The following ASAP2 variants were observed in gnomAD, a reference collection of about 807,000 sequenced individuals.
ASAP2 encodes the protein arf-GAP with SH3 domain, ANK repeat and PH domain-containing protein 2.
Under a neutral mutation model 131.4 loss-of-function variants are expected in ASAP2, and 45 were observed. That is an observed-to-expected ratio of 0.34 (90% CI 0.27 to 0.44). The LOEUF is 0.44. Ranked by LOEUF, ASAP2 falls within the 20% of genes least tolerant of loss-of-function variation. ASAP2 has a pLI of 1.00. For missense variants in ASAP2, 1,011 were observed against 1,297.0 expected, an observed-to-expected ratio of 0.78 and a Z score of 3.39; for synonymous variants, 510 against 503.0, an observed-to-expected ratio of 1.01 and a Z score of -0.19.
chr2:9,360,615 A>G (rs188079488), intron 15 of ASAP2, among the ~76,000 whole-genome samples: 148 of 152,308 alleles, frequency 9.7e-4, no homozygotes, highest in African/African-American at 3.2e-3. Context: ...TACTCCCACA[A>G]TGGCCAATTT....
chr2:9,287,408 A>G (rs1667534637), intron 2 of ASAP2, among the ~76,000 whole-genome samples: 1 of 152,240 alleles, frequency 6.6e-6, no homozygotes, highest in African/African-American at 2.4e-5. Flanking sequence ...TAAGAGCAGC[A>G]TTTAAAGAAG....
intron 2 of ASAP2, among the ~76,000 whole-genome samples, chr2:9,286,411 A>C (rs537615203): frequency 6.8e-6 from 1 of 147,514 alleles, no homozygotes; most frequent in South Asian, 2.1e-4. Context: ...AACAGAAAAA[A>C]AGGAAAAGGA....
intron 3 of ASAP2, among the ~76,000 whole-genome samples, chr2:9,317,347 CCTCA>C (rs1669793086): frequency 7.0e-6 from 1 of 142,806 alleles, no homozygotes; most frequent in Non-Finnish European, 1.5e-5. Flanking sequence ...TCACACACAC[CCTCA>C]CACAATCATT....
chr2:9,319,634 G>A (rs148932255), intron 4 of ASAP2, among the ~76,000 whole-genome samples: 8 of 152,348 alleles, frequency 5.3e-5, no homozygotes, highest in Middle Eastern at 3.4e-3. Flanking sequence ...CTTACCTGAG[G>A]CCATTGAAAA....
intron 1 of ASAP2, among the ~76,000 whole-genome samples, chr2:9,208,771 G>T (rs1661328491): frequency 6.6e-6 from 1 of 152,222 alleles, no homozygotes; most frequent in African/African-American, 2.4e-5. Context: ...AAAAAGCACG[G>T]TGTTTTGAGA....
At position 9,207,302 on chromosome 2, in the gene ASAP2, C is replaced by T; in HGVS notation, c.126+72C>T. The T allele has an allele frequency of 6.9e-7, 1 of 1,446,394 alleles. No individual in the cohort carries two copies. Among genetic ancestry groups the T allele is most frequent in the South Asian group, 1.3e-5 (1 of 74,322 alleles). 89.6% of individuals were successfully genotyped at this position (1,446,394 alleles called of 1,614,324 possible). On this transcript the variant is annotated intron_variant, in intron 1 of 27. Coordinates refer to ENST00000281419, the MANE Select transcript of ASAP2 (RefSeq NM_003887.3). The surrounding 1 kb of genome is among the most constrained non-coding windows in gnomAD (Gnocchi z 4.1). Reference sequence around the variant, plus strand: ...CAGCCCCGCCCGCCGCTCCCGCATCCGCATCCCGAGAAAACTTTCTTTGCT... The same window carrying T: ...CAGCCCCGCCCGCCGCTCCCGCATCTGCATCCCGAGAAAACTTTCTTTGCT...
chr2:9,243,099 T>TTTTTG (rs552052156), intron 1 of ASAP2, among the ~76,000 whole-genome samples: 19 of 152,214 alleles, frequency 1.2e-4, no homozygotes, highest in Non-Finnish European at 2.1e-4. Context: ...CCTTGAAGAT[T>TTTTTG]TTTTGTTTTG....
At position 9,311,036 on chromosome 2, in the gene ASAP2, G is replaced by A. The variant is rs1233754423; in HGVS notation, c.346-7488G>A. Among the ~76,000 whole-genome samples, 1 of 135,330 alleles carries A rather than the reference G, an allele frequency of 7.4e-6. No individual in the cohort carries two copies. Among genetic ancestry groups the A allele is most frequent in the African/African-American group, 2.7e-5 (1 of 36,872 alleles). 88.8% of individuals were successfully genotyped at this position (135,330 alleles called of 152,430 possible). A position where few individuals can be genotyped will look rare whatever the true frequency, so the allele number is the denominator to read the frequency against. ...CTTACCTTGTCAGACATATCCAAGT[G>A]AACTCGGGGGGAAAAGCTAAGACAG... On this transcript the variant is annotated intron_variant, in intron 3 of 27. Transcript: ENST00000281419. This position sits in a 1 kb window ranked among gnomAD's most constrained non-coding sequence, Gnocchi z 5.2.
intron 3 of ASAP2, among the ~76,000 whole-genome samples, chr2:9,301,040 G>C (rs896056841): frequency 6.6e-6 from 1 of 152,206 alleles, no homozygotes; most frequent in African/African-American, 2.4e-5. Context: ...AATGGGGAGC[G>C]GATTATGGCG....
intron 20 of ASAP2, among the ~76,000 whole-genome samples, chr2:9,384,017 G>A (rs1261616248): frequency 6.6e-6 from 1 of 152,072 alleles, no homozygotes; most frequent in Non-Finnish European, 1.5e-5. Context: ...CTGTCATGGG[G>A]TGGGGAGACG....
intron 1 of ASAP2, among the ~76,000 whole-genome samples, chr2:9,240,456 G>A (rs544460151): frequency 1.6e-4 from 24 of 151,990 alleles, no homozygotes; most frequent in African/African-American, 5.8e-4. Flanking sequence ...ATGTTTCCCA[G>A]GCTGGTCTCA....
chr2:9,318,705 A>G, intron 4 of ASAP2, 107 bp downstream of exon 4: 1 of 661,030 alleles, frequency 1.5e-6, no homozygotes, highest in Admixed American at 3.0e-5. Context: ...CATTGGGACG[A>G]TAGGATGGCT....
chr2:9,254,247 A>ATG (rs1664959519), intron 1 of ASAP2, among the ~76,000 whole-genome samples: 1 of 106,570 alleles, frequency 9.4e-6, no homozygotes, highest in East Asian at 2.0e-4. Context: ...ATATATATAT[A>ATG]TATATATACA....
At chr2:9,379,856 G>A (rs1674691119) in intron 19 of ASAP2, among the ~76,000 whole-genome samples, 1 of 151,998 alleles carries the variant, frequency 6.6e-6, no homozygotes, top group Admixed American at 6.5e-5. Flanking sequence ...GCCGGGTATG[G>A]TGGCGCGCAC....
chr2:9,352,350 G>T (rs750991732), intron 12 of ASAP2, among the ~76,000 whole-genome samples: 6 of 152,124 alleles, frequency 3.9e-5, no homozygotes, highest in Non-Finnish European at 7.3e-5. Context: ...TCTGCCAGTG[G>T]CTGGGGCTAA....
intron 3 of ASAP2, among the ~76,000 whole-genome samples, chr2:9,312,946 C>T (rs189371756): frequency 1.1e-3 from 160 of 152,310 alleles, no homozygotes; most frequent in African/African-American, 3.7e-3. Context: ...GTAATCCCAG[C>T]TACCTGGGAG....
rs1671116086 is a variant in ASAP2 at position 9,335,125 on chromosome 2, G to A, written c.795G>A (p.Gln265=). 2 of 1,614,166 alleles carry A rather than the reference G, an allele frequency of 1.2e-6. No homozygotes were observed. The highest frequency in any genetic ancestry group is 1.7e-5 in the Admixed American group (1 of 60,016). ...AGGCCCAGGATGAAGAAAGAAGGCA[G>A]TTGATACAGCTTCGAGATATTTTGA... ...IKQAQDEERR[Q]LIQLRDILKS... is the part of the protein sequence containing the mutation. Residue 265 remains glutamine (Q), a synonymous_variant, in exon 9 of 28, where the codon CAG becomes CAA. Coordinates refer to ENST00000281419, the MANE Select transcript of ASAP2 (RefSeq NM_003887.3).
intron 3 of ASAP2, among the ~76,000 whole-genome samples, chr2:9,318,258 T>G (rs1484585556): frequency 1.3e-5 from 2 of 152,242 alleles, no homozygotes; most frequent in Non-Finnish European, 2.9e-5. Context: ...CTGCAATGAT[T>G]GTCTCTTTAC....
At chr2:9,269,856 G>T (rs1259198210) in intron 1 of ASAP2, among the ~76,000 whole-genome samples, 1 of 152,208 alleles carries the variant, frequency 6.6e-6, no homozygotes, top group Non-Finnish European at 1.5e-5. Context: ...TCTCTCCTGT[G>T]GTGGACTTCC....
Sources: gnomAD v4.1 joint callset for allele counts (sites outside exome capture counted in the v4.1 genomes callset) on GRCh38, gnomAD v4.1.1 for gene constraint, Gnocchi (gnomAD v3.1) non-coding constraint, MANE v1.5 for transcripts, NCBI Gene and HGNC (gene_info 2026-07-23, HGNC 2026-07-21) for gene names.